The following NIPSNAP2 variants were observed in gnomAD, a reference collection of about 807,000 sequenced individuals.
The protein encoded by NIPSNAP2 is protein NipSnap homolog 2.
NIPSNAP2 carries 42 observed loss-of-function variants against 48.4 expected under a neutral mutation model. The observed-to-expected ratio is 0.87, with a 90% CI of 0.68 to 1.12. The LOEUF (loss-of-function observed/expected upper bound fraction) is 1.12, where lower values mean the gene tolerates loss of function less well. Among genes scored for constraint, NIPSNAP2 ranks in the 50% most tolerant of loss-of-function variants. The probability of loss-of-function intolerance (pLI) is 0.00; values close to 1 mark genes in which losing one functional copy is unlikely to be tolerated. For missense variants in NIPSNAP2, 314 were observed against 347.3 expected, an observed-to-expected ratio of 0.90 and a Z score of 0.76; for synonymous variants, 158 against 126.6, an observed-to-expected ratio of 1.25 and a Z score of -1.67.
At chr7:55,968,499 T>C (rs1786944951) in intron 1 of NIPSNAP2, among the ~76,000 whole-genome samples, 2 of 151,656 alleles carry the variant, frequency 1.3e-5, no homozygotes, top group African/African-American at 4.8e-5. Context: ...GATTCTCCTG[T>C]CTCAGCCTCC....
chr7:55,987,473 C>A (rs183190034), intron 7 of NIPSNAP2, among the ~76,000 whole-genome samples: 6 of 152,206 alleles, frequency 3.9e-5, no homozygotes, highest in Non-Finnish European at 8.8e-5. Context: ...ACTAAAAATA[C>A]AAAAATTAGC....
chr7:55,996,324 A>G (rs1203331341), intron 8 of NIPSNAP2, among the ~76,000 whole-genome samples: 1 of 151,516 alleles, frequency 6.6e-6, no homozygotes, highest in African/African-American at 2.4e-5. Context: ...AGGCATCTGG[A>G]TGAGATACCT....
intron 7 of NIPSNAP2, among the ~76,000 whole-genome samples, chr7:55,994,178 C>T (rs1164966324): frequency 2.0e-5 from 3 of 152,146 alleles, no homozygotes; most frequent in Non-Finnish European, 2.9e-5. Context: ...CCCTGTGGCA[C>T]CTTGGGTGCT....
chr7:55,967,946 G>A, intron 1 of NIPSNAP2, among the ~76,000 whole-genome samples: 1 of 151,730 alleles, frequency 6.6e-6, no homozygotes, highest in Non-Finnish European at 1.5e-5. Context: ...CACCACACCC[G>A]GCTGCTAATT....
At chr7:55,970,554 C>A (rs984676792) in intron 1 of NIPSNAP2, among the ~76,000 whole-genome samples, 1 of 151,988 alleles carries the variant, frequency 6.6e-6, no homozygotes, top group African/African-American at 2.4e-5. Flanking sequence ...CCAGATGATC[C>A]GCCCACCTCG....
rs745557001 is a variant in NIPSNAP2, at chr7:55,978,421, T to C, written c.278+26T>C. 3 of 1,582,088 alleles carry C rather than the reference T, an allele frequency of 1.9e-6. No homozygotes were observed. The Admixed American group carries it at 5.4e-5, about 29-fold the overall frequency. ...GTGTGTATACCAAACTATCCTTTAC[T>C]TGGGGAAAAATAATGACTTTATTTG... On this transcript the variant is annotated intron_variant, in intron 3 of 9. Transcript: ENST00000322090.
At chr7:55,986,568 A>G (rs1430586530) in intron 7 of NIPSNAP2, among the ~76,000 whole-genome samples, 1 of 151,972 alleles carries the variant, frequency 6.6e-6, no homozygotes, top group Non-Finnish European at 1.5e-5. Flanking sequence ...AGGCTGAGGC[A>G]GGAGAATCAC....
At chr7:55,977,759 C>T (rs541245324) in intron 1 of NIPSNAP2, among the ~76,000 whole-genome samples, 2 of 152,232 alleles carry the variant, frequency 1.3e-5, no homozygotes, top group South Asian at 4.2e-4. Context: ...TCTTCCTAAA[C>T]TGAAACTCCT....
chr7:55,968,116 A>G (rs950047392), intron 1 of NIPSNAP2, among the ~76,000 whole-genome samples: 1 of 152,034 alleles, frequency 6.6e-6, no homozygotes, highest in Non-Finnish European at 1.5e-5. Context: ...CTAAGCGGAC[A>G]TTTTCCTAGT....
chr7:55,976,039 AGTGTGTGT>A (rs60119988), intron 1 of NIPSNAP2, among the ~76,000 whole-genome samples: 14,682 of 150,384 alleles, frequency 0.098, 819 homozygotes, highest in East Asian at 0.24. Flanking sequence ...CTCTCAAAAA[AGTGTGTGT>A]GTGTGTGTGT....
At chr7:55,987,341 T>C (rs532313716) in intron 7 of NIPSNAP2, among the ~76,000 whole-genome samples, 6 of 150,816 alleles carry the variant, frequency 4.0e-5, no homozygotes, top group Non-Finnish European at 7.4e-5. Flanking sequence ...GATAAAGAAA[T>C]TGTGGGCTGG....
At chr7:55,967,632 A>ATTTATTAT (rs375846854) in intron 1 of NIPSNAP2, among the ~76,000 whole-genome samples, 1 of 142,708 alleles carries the variant, frequency 7.0e-6, no homozygotes, top group Non-Finnish European at 1.5e-5. Flanking sequence ...ATGCCCAGCT[A>ATTTATTAT]TTATTTATTT....
chr7:55,979,646 T>C (rs1562764237), intron 3 of NIPSNAP2: 1 of 394,850 alleles, frequency 2.5e-6, no homozygotes, highest in East Asian at 7.1e-5. Flanking sequence ...CTCCAAGCTA[T>C]ACCTGTGTCT....
At chr7:55,996,916 C>T (rs1787574688) in intron 8 of NIPSNAP2, among the ~76,000 whole-genome samples, 1 of 152,088 alleles carries the variant, frequency 6.6e-6, no homozygotes, top group African/African-American at 2.4e-5. Flanking sequence ...CGTGGTGGCT[C>T]ACCCCTGTAA....
intron 1 of NIPSNAP2, among the ~76,000 whole-genome samples, chr7:55,970,687 C>G (rs765380397): frequency 1.3e-5 from 2 of 152,142 alleles, no homozygotes; most frequent in African/African-American, 4.8e-5. Flanking sequence ...CTCGCCCTCA[C>G]GGTCCTCCCA....
intron 7 of NIPSNAP2, 100 bp downstream of exon 7, chr7:55,984,978 G>T: frequency 1.2e-6 from 1 of 834,808 alleles, no homozygotes. Flanking sequence ...ATAGTACTGT[G>T]ACTTAACACT....
At chr7:55,982,310 C>G (rs1307460922) in intron 5 of NIPSNAP2, 30 bp downstream of exon 5, 3 of 1,252,858 alleles carry the variant, frequency 2.4e-6, no homozygotes, top group Admixed American at 3.5e-5. Context: ...TTTACTTAGA[C>G]TAATGATATA....
chr7:55,965,575 G>A (rs1308427688), intron 1 of NIPSNAP2, among the ~76,000 whole-genome samples: 2 of 151,900 alleles, frequency 1.3e-5, no homozygotes, highest in African/African-American at 2.4e-5. Flanking sequence ...TATTATTGTT[G>A]TTGTTTATTT....
chr7:55,969,653 C>T (rs1301205457), intron 1 of NIPSNAP2, among the ~76,000 whole-genome samples: 1 of 152,158 alleles, frequency 6.6e-6, no homozygotes, highest in African/African-American at 2.4e-5. Context: ...TGTGCATCGT[C>T]AGTGGCTGAC....
Sources: gnomAD v4.1 joint callset for allele counts (sites outside exome capture counted in the v4.1 genomes callset) on GRCh38, gnomAD v4.1.1 for gene constraint, MANE v1.5 for transcripts, NCBI Gene and HGNC (gene_info 2026-07-23, HGNC 2026-07-21) for gene names.